The following WAPL variants were observed in gnomAD, a reference collection of about 807,000 sequenced individuals.
WAPL encodes the protein wings apart-like protein homolog.
In WAPL, 5 loss-of-function variants were observed where a neutral mutation model predicts 121.0. The ratio of observed to expected loss-of-function variants is 0.04; its 90% CI spans 0.02 to 0.09. The LOEUF is 0.09. Among genes scored for constraint, WAPL ranks in the 10% least tolerant of loss-of-function variants. The pLI is 1.00. For synonymous variants in WAPL, 480 were observed against 481.5 expected, an observed-to-expected ratio of 1.00 and a Z score of 0.04; for missense variants, 999 against 1,410.8, an observed-to-expected ratio of 0.71 and a Z score of 4.68.
intron 13 of WAPL, 22 bp from the exon 14 acceptor site, chr10:86,453,357 G>A (rs1248649273): frequency 1.9e-6 from 3 of 1,608,296 alleles, no homozygotes; most frequent in Non-Finnish European, 2.6e-6. Flanking sequence ...AATGGATACA[G>A]GAAAATGGTT....
At position 86,446,257 on chromosome 10, in the gene WAPL, GTTC is replaced by G; in HGVS notation, c.3304_3306del (p.Glu1102del). The G allele has an allele frequency of 6.2e-7, 1 of 1,614,100 alleles. No homozygotes were observed. The highest frequency in any genetic ancestry group is 1.7e-5 in the Admixed American group (1 of 60,022). On this transcript the variant is annotated inframe_deletion, in exon 16 of 19. Coordinates refer to ENST00000298767, the MANE Select transcript of WAPL (RefSeq NM_015045.5). The stretch of plus-strand genomic sequence containing the variant: ...GTAAATATACCTTTATTGAGGTCAA[GTTC>G]TTCATCCTCCTCCTCCTTCTTATGT...
intron 12 of WAPL, among the ~76,000 whole-genome samples, chr10:86,454,801 C>G (rs901582143): frequency 2.7e-5 from 4 of 150,064 alleles, no homozygotes; most frequent in African/African-American, 9.8e-5. Flanking sequence ...CGTCTCTGCC[C>G]GGCCGCCCAT....
intron 8 of WAPL, among the ~76,000 whole-genome samples, chr10:86,467,878 C>T (rs1466062789): frequency 1.3e-5 from 2 of 151,644 alleles, no homozygotes; most frequent in Non-Finnish European, 2.9e-5. Context: ...CGGGGTTTCA[C>T]GGTGTTAGCC....
chr10:86,475,425 A>G (rs1841628819), intron 4 of WAPL, among the ~76,000 whole-genome samples: 1 of 152,250 alleles, frequency 6.6e-6, no homozygotes, highest in Non-Finnish European at 1.5e-5. Flanking sequence ...ATCTACATTA[A>G]AAAACTTAAC....
chr10:86,504,430 A>G (rs1412359182), intron 2 of WAPL, among the ~76,000 whole-genome samples: 1 of 150,786 alleles, frequency 6.6e-6, no homozygotes, highest in Non-Finnish European at 1.5e-5. Context: ...TAATCCCAGC[A>G]CTTTGGGAGG....
At position 86,453,205 on chromosome 10, in the gene WAPL, G is replaced by C. The variant is rs937674050; in HGVS notation, c.2949+15C>G. On this transcript the variant is annotated intron_variant, in intron 14 of 18. Coordinates refer to ENST00000298767, the MANE Select transcript of WAPL (RefSeq NM_015045.5). ...AGATATGATACTCATTTCTGAAAAA[G>C]TCATTTCAACTTACCAGCACTCGAA... is the stretch of plus-strand genomic sequence containing the variant. The C allele has an allele frequency of 1.9e-6, 3 of 1,612,484 alleles. No homozygotes were observed. In the African/African-American group the frequency reaches 4.0e-5, roughly 22 times the overall value.
chr10:86,501,898 C>T (rs1170576976), intron 2 of WAPL, among the ~76,000 whole-genome samples: 1 of 152,190 alleles, frequency 6.6e-6, no homozygotes, highest in Non-Finnish European at 1.5e-5. Context: ...CACTACGGTG[C>T]CTAGGCTGGT....
rs1246615932 is a variant in WAPL at position 86,455,038 on chromosome 10, C to T, written c.2658-1207G>A. Among the ~76,000 whole-genome samples the T allele has an allele frequency of 4.0e-5, 6 of 150,610 alleles. No homozygotes were observed. In the East Asian group the frequency reaches 6.0e-4, roughly 15 times the overall value. On this transcript the variant is annotated intron_variant, in intron 12 of 18. Transcript: ENST00000298767. ...CGGGAGGTGGGGGGCAGCCCCCGCC[C>T]GGCCAGCCGCCCCGTCCGGGAGGGA... is the stretch of plus-strand genomic sequence containing the variant.
At chr10:86,437,670 T>A in intron 18 of WAPL, 62 bp from the exon 19 acceptor site, 1 of 1,548,998 alleles carries the variant, frequency 6.5e-7, no homozygotes, top group Non-Finnish European at 8.8e-7. Context: ...TTAAGAAGTA[T>A]AAATAAAAGT....
At chr10:86,462,288 A>C (rs1388249912) in intron 9 of WAPL, among the ~76,000 whole-genome samples, 1 of 152,374 alleles carries the variant, frequency 6.6e-6, no homozygotes. Context: ...AGTTTACATT[A>C]AGTCCTTCAG....
chr10:86,500,381 G>C lies in WAPL; in HGVS notation c.862C>G (p.Leu288Val). Reference protein sequence around the residue: ...AIEEDIVQSVLRPTNCRTYCR... With the variant: ...AIEEDIVQSVVRPTNCRTYCR... ...TACGTCCTACAGTTGGTTGGCCTAA[G>C]AACACTTTGTACAATATCTTCCTCA... The change falls in exon 3 of 19, where the codon CTT becomes GTT. Residue 288 changes from leucine to valine, a missense_variant. Leu to Val is a conservative substitution (Grantham distance 32). Around this residue, in one of 7 missense-constraint regions of WAPL, gnomAD observed 531 missense variants for 563.1 expected, o/e 0.94. Transcript: ENST00000298767. The C allele has an allele frequency of 6.2e-7, 1 of 1,614,178 alleles. No individual in the cohort carries two copies. Among genetic ancestry groups the C allele is most frequent in the Non-Finnish European group, 8.5e-7 (1 of 1,180,038 alleles).
intron 4 of WAPL, among the ~76,000 whole-genome samples, chr10:86,475,329 G>A (rs1265331955): frequency 6.6e-6 from 1 of 152,082 alleles, no homozygotes; most frequent in Non-Finnish European, 1.5e-5. Context: ...ACAAATTAGA[G>A]ATTTTCTCTT....
chr10:86,442,942 C>T (rs1849507157), intron 17 of WAPL, among the ~76,000 whole-genome samples: 1 of 150,184 alleles, frequency 6.7e-6, no homozygotes, highest in African/African-American at 2.5e-5. Context: ...ACTCGGGAGA[C>T]TGAGGCAGGA....
At chr10:86,477,635 T>C (rs1323021895) in intron 4 of WAPL, among the ~76,000 whole-genome samples, 1 of 152,016 alleles carries the variant, frequency 6.6e-6, no homozygotes, top group African/African-American at 2.4e-5. Context: ...AAATCCCATC[T>C]CTACTAAATA....
At chr10:86,460,549 T>A (rs548391610) in intron 10 of WAPL, 53 bp from the exon 11 acceptor site, 1 of 1,449,090 alleles carries the variant, frequency 6.9e-7, no homozygotes, top group East Asian at 2.3e-5. Context: ...TACTTACCAA[T>A]AGAATACTTT....
intron 2 of WAPL, among the ~76,000 whole-genome samples, chr10:86,505,758 G>A (rs77329249): frequency 0.067 from 10,183 of 152,194 alleles, 647 homozygotes; most frequent in East Asian, 0.38. Flanking sequence ...AAATTCTGAA[G>A]GGGAAGTAGG....
chr10:86,474,449 G>A (rs1465995738), intron 4 of WAPL, among the ~76,000 whole-genome samples: 4 of 151,862 alleles, frequency 2.6e-5, no homozygotes, highest in Non-Finnish European at 5.9e-5. Context: ...CGGAGGCAGA[G>A]GTTGCAGTGA....
At chr10:86,492,063 C>T (rs1474305450) in intron 4 of WAPL, among the ~76,000 whole-genome samples, 2 of 152,170 alleles carry the variant, frequency 1.3e-5, no homozygotes, top group Non-Finnish European at 2.9e-5. Flanking sequence ...TATTCTGTTT[C>T]TACATATTCA....
At chr10:86,517,032 C>G (rs1589545308) in intron 2 of WAPL, among the ~76,000 whole-genome samples, 1 of 151,944 alleles carries the variant, frequency 6.6e-6, no homozygotes, top group East Asian at 1.9e-4. Context: ...GCATGGGCGA[C>G]AGCGAGACTC....
Sources: allele counts gnomAD v4.1 joint callset (sites outside exome capture counted in the v4.1 genomes callset), GRCh38; gene constraint gnomAD v4.1.1; regional missense constraint gnomAD v4.1.1; transcripts MANE v1.5; gene names NCBI Gene and HGNC (gene_info 2026-07-23, HGNC 2026-07-21).